Variants in LAMA2 observed in about 807,000 individuals in gnomAD.
The protein encoded by LAMA2 is laminin subunit alpha 2, also known as laminin subunit alpha-2.
A neutral mutation model predicts 364.8 loss-of-function variants in LAMA2; 269 were observed. The observed-to-expected ratio is 0.74, with a 90% confidence interval of 0.67 to 0.82. LAMA2 has a LOEUF of 0.82. Ranked by LOEUF, LAMA2 falls within the 40% of genes least tolerant of loss-of-function variation. The probability of loss-of-function intolerance (pLI) is 0.00; values close to 1 mark genes in which losing one functional copy is unlikely to be tolerated. For synonymous variants in LAMA2, 1,379 were observed against 1,370.6 expected, an observed-to-expected ratio of 1.01 and a Z score of -0.14; for missense variants, 3,807 against 3,873.2, an observed-to-expected ratio of 0.98 and a Z score of 0.45.
chr6:129,274,496 T>C (rs938492313), intron 17 of LAMA2, among the ~76,000 whole-genome samples: 1 of 151,988 alleles, frequency 6.6e-6, no homozygotes, highest in East Asian at 1.9e-4. Flanking sequence ...ACCTTGGTGA[T>C]TTATCTATTT....
chr6:129,234,851 A>T (rs1427718079), intron 12 of LAMA2, among the ~76,000 whole-genome samples: 1 of 152,164 alleles, frequency 6.6e-6, no homozygotes, highest in Non-Finnish European at 1.5e-5. Flanking sequence ...ATGAAACTAG[A>T]TAAAGCAAAG....
chr6:129,297,471 T>G (rs1156700316), intron 20 of LAMA2, among the ~76,000 whole-genome samples: 1 of 152,160 alleles, frequency 6.6e-6, no homozygotes, highest in Non-Finnish European at 1.5e-5. Context: ...TGCAGTTAAT[T>G]TTGATAAAAT....
At chr6:129,100,956 G>A (rs1775485603) in intron 4 of LAMA2, among the ~76,000 whole-genome samples, 2 of 151,994 alleles carry the variant, frequency 1.3e-5, no homozygotes, top group African/African-American at 4.8e-5. Flanking sequence ...TAAAAGTTTT[G>A]GATACTTTTC....
At chr6:129,309,656 C>T (rs1774086464) in intron 22 of LAMA2, among the ~76,000 whole-genome samples, 1 of 152,110 alleles carries the variant, frequency 6.6e-6, no homozygotes, top group African/African-American at 2.4e-5. Flanking sequence ...TGTAAGACAT[C>T]CTAATTTTGA....
intron 8 of LAMA2, among the ~76,000 whole-genome samples, chr6:129,161,499 TC>T (rs1447032040): frequency 1.3e-5 from 2 of 152,200 alleles, no homozygotes; most frequent in African/African-American, 4.8e-5. Context: ...TCCTTTATTA[TC>T]TTTTTAGCAG....
At chr6:129,271,201 G>T (rs1289093661) in intron 17 of LAMA2, among the ~76,000 whole-genome samples, 2 of 151,958 alleles carry the variant, frequency 1.3e-5, no homozygotes, top group African/African-American at 4.8e-5. Flanking sequence ...AAAATGAAGG[G>T]ACTGATTTAA....
chr6:129,184,893 C>T (rs1169085263), intron 10 of LAMA2, among the ~76,000 whole-genome samples: 1 of 151,884 alleles, frequency 6.6e-6, no homozygotes, highest in African/African-American at 2.4e-5. Flanking sequence ...TTATGTATTT[C>T]CTTCTCCCTC....
intron 32 of LAMA2, among the ~76,000 whole-genome samples, chr6:129,359,418 G>T (rs1025582952): frequency 6.6e-6 from 1 of 151,466 alleles, no homozygotes; most frequent in South Asian, 2.1e-4. Flanking sequence ...TCTATTCAAA[G>T]AAATGACAGG....
chr6:129,505,720 C>T (rs1350711587), intron 61 of LAMA2, among the ~76,000 whole-genome samples: 5 of 151,874 alleles, frequency 3.3e-5, no homozygotes, highest in Middle Eastern at 3.4e-3. Flanking sequence ...TTAATAGAGA[C>T]GGGGGGTTTC....
chr6:129,015,569 T>C (rs183160298), intron 1 of LAMA2, among the ~76,000 whole-genome samples: 152 of 152,222 alleles, frequency 1.0e-3, no homozygotes, highest in African/African-American at 3.3e-3. Context: ...TCTTGCCAAC[T>C]CTAAGGTACT....
chr6:129,387,750 G>A (rs1342166871), intron 35 of LAMA2, among the ~76,000 whole-genome samples: 1 of 152,178 alleles, frequency 6.6e-6, no homozygotes, highest in African/African-American at 2.4e-5. Context: ...GTCCTTTGCA[G>A]GGATATGGAT....
chr6:129,066,041 T>C (rs57359210), intron 3 of LAMA2, among the ~76,000 whole-genome samples: 648 of 64,016 alleles, frequency 0.01, 81 homozygotes, highest in African/African-American at 0.02. Flanking sequence ...GTCTCAGGTT[T>C]TTTTTTTTTT....
intron 51 of LAMA2, among the ~76,000 whole-genome samples, chr6:129,470,909 C>T (rs1377862618): frequency 6.6e-6 from 1 of 151,854 alleles, no homozygotes; most frequent in Non-Finnish European, 1.5e-5. Flanking sequence ...AGTTACAGAA[C>T]CACAGTCCCT....
At position 129,190,328 on chromosome 6, in the gene LAMA2, T is replaced by C. The variant is rs767565927; in HGVS notation, c.1591T>C (p.Tyr531His). Residue 531 changes from tyrosine (Y) to histidine (H), a missense_variant, in exon 11 of 65, where the codon TAC (tyrosine) becomes CAC (histidine). Transcript: ENST00000421865. ...GGTTTCAAACAGATGTCAGAGTTCC[T>C]ACTGGACCTATGGCAAAGTAAGCAA... ...SGVSNRCQSS[Y>H]WTYGKIQDMS... is the part of the protein sequence containing the mutation. 1 of 1,613,490 alleles carries C rather than the reference T, an allele frequency of 6.2e-7. No homozygotes were observed. Among genetic ancestry groups the C allele is most frequent in the South Asian group, 1.1e-5 (1 of 91,054 alleles).
At chr6:129,305,687 T>A (rs1461580937) in intron 22 of LAMA2, among the ~76,000 whole-genome samples, 1 of 152,082 alleles carries the variant, frequency 6.6e-6, no homozygotes, top group African/African-American at 2.4e-5. Flanking sequence ...CAGATCTTTA[T>A]TTTTCAACGA....
chr6:129,204,477 G>A (rs375740493), intron 12 of LAMA2, among the ~76,000 whole-genome samples: 383 of 131,596 alleles, frequency 2.9e-3, no homozygotes, highest in African/African-American at 8.7e-3. Flanking sequence ...GTATCCTTAT[G>A]AAAAAAAAAA....
chr6:129,014,080 G>C (rs1042168745), intron 1 of LAMA2, among the ~76,000 whole-genome samples: 5 of 152,178 alleles, frequency 3.3e-5, no homozygotes, highest in Admixed American at 3.3e-4. Context: ...TGCATGGATG[G>C]TGATGTCATT....
At chr6:129,047,729 G>A (rs576151613) in intron 1 of LAMA2, among the ~76,000 whole-genome samples, 9 of 152,112 alleles carry the variant, frequency 5.9e-5, no homozygotes, top group Admixed American at 5.9e-4. Flanking sequence ...ATTTATAATT[G>A]CAATTTTTAC....
intron 12 of LAMA2, among the ~76,000 whole-genome samples, chr6:129,197,223 G>T (rs868149633): frequency 6.6e-6 from 1 of 152,120 alleles, no homozygotes; most frequent in African/African-American, 2.4e-5. Flanking sequence ...GGGGAAATTT[G>T]CATTCTATAG....
Sources: allele counts gnomAD v4.1 joint callset (sites outside exome capture counted in the v4.1 genomes callset), GRCh38; gene constraint gnomAD v4.1.1; transcripts MANE v1.5; gene names NCBI Gene and HGNC (gene_info 2026-07-23, HGNC 2026-07-21).